Variants in GRM7 observed in about 807,000 individuals in gnomAD.
GRM7 encodes the protein glutamate metabotropic receptor 7.
In GRM7, 35 loss-of-function variants were observed where a neutral mutation model predicts 84.5. That is an observed-to-expected ratio of 0.41 (90% CI 0.32 to 0.55). The LOEUF (loss-of-function observed/expected upper bound fraction) is 0.55. GRM7 is among the 20% of genes least tolerant of loss of function. The pLI, the probability that GRM7 is intolerant of heterozygous loss-of-function variation, is 0.19. For missense variants in GRM7, 1,003 were observed against 1,194.6 expected, an observed-to-expected ratio of 0.84 and a Z score of 2.36; for synonymous variants, 487 against 455.1, an observed-to-expected ratio of 1.07 and a Z score of -0.89.
chr3:6,991,520 C>T (rs1029301120), intron 1 of GRM7, among the ~76,000 whole-genome samples: 2 of 152,082 alleles, frequency 1.3e-5, no homozygotes, highest in African/African-American at 4.8e-5. Flanking sequence ...TGAAATACAG[C>T]TAAAGTTAAG....
intron 7 of GRM7, among the ~76,000 whole-genome samples, chr3:7,491,753 T>G (rs1699525614): frequency 6.6e-6 from 1 of 152,224 alleles, no homozygotes; most frequent in African/African-American, 2.4e-5. Context: ...TTTCTTCATT[T>G]GAAAAGACAA....
At chr3:7,208,067 A>G (rs1696297178) in intron 2 of GRM7, among the ~76,000 whole-genome samples, 1 of 152,192 alleles carries the variant, frequency 6.6e-6, no homozygotes, top group South Asian at 2.1e-4. Flanking sequence ...GGTGCTTAGA[A>G]AAAGACATTA....
chr3:7,567,729 C>A (rs1694376713), intron 7 of GRM7, among the ~76,000 whole-genome samples: 1 of 108,564 alleles, frequency 9.2e-6, no homozygotes, highest in Admixed American at 1.4e-4. Flanking sequence ...GCCTGGGTGA[C>A]AGAGTGAGAC....
chr3:7,649,896 G>A (rs936443878), intron 8 of GRM7, among the ~76,000 whole-genome samples: 3 of 151,956 alleles, frequency 2.0e-5, no homozygotes, highest in Admixed American at 6.6e-5. Flanking sequence ...GCCAATATGA[G>A]TTCTGTAATA....
intron 1 of GRM7, among the ~76,000 whole-genome samples, chr3:6,978,344 A>T (rs886848615): frequency 3.3e-5 from 5 of 152,118 alleles, no homozygotes; most frequent in African/African-American, 1.2e-4. Flanking sequence ...CAACACCTTG[A>T]TTATAAACTT....
intron 1 of GRM7, among the ~76,000 whole-genome samples, chr3:6,960,808 A>G (rs1693268571): frequency 6.6e-6 from 1 of 151,936 alleles, no homozygotes; most frequent in Non-Finnish European, 1.5e-5. Flanking sequence ...CCTTCTACCT[A>G]TGGTGGGGCC....
intron 4 of GRM7, among the ~76,000 whole-genome samples, chr3:7,403,622 G>GATATATAT (rs59465377): frequency 0.048 from 6,102 of 126,732 alleles, 245 homozygotes; most frequent in Admixed American, 0.093. Context: ...GAGTAATTCT[G>GATATATAT]ATATATATAT....
chr3:7,220,997 G>A (rs1696782392), intron 2 of GRM7, among the ~76,000 whole-genome samples: 1 of 152,070 alleles, frequency 6.6e-6, no homozygotes, highest in African/African-American at 2.4e-5. Flanking sequence ...AGGAGGTTGA[G>A]GTGGGAGAAG....
chr3:7,142,791 T>C (rs919432724), intron 1 of GRM7, among the ~76,000 whole-genome samples: 1 of 152,174 alleles, frequency 6.6e-6, no homozygotes, highest in Non-Finnish European at 1.5e-5. Flanking sequence ...AAATAGCATA[T>C]GTTGTTAATT....
intron 1 of GRM7, among the ~76,000 whole-genome samples, chr3:6,978,806 G>A (rs1395568445): frequency 1.3e-5 from 2 of 152,048 alleles, no homozygotes; most frequent in Non-Finnish European, 2.9e-5. Context: ...ATTAACCCAG[G>A]GACATGTGTC....
intron 8 of GRM7, among the ~76,000 whole-genome samples, chr3:7,618,896 G>T (rs1437227923): frequency 6.6e-6 from 1 of 152,168 alleles, no homozygotes; most frequent in Non-Finnish European, 1.5e-5. Context: ...TAGACTGTTA[G>T]AAGAATGTAA....
chr3:7,597,627 A>G (rs1469367221), intron 8 of GRM7, among the ~76,000 whole-genome samples: 4 of 151,906 alleles, frequency 2.6e-5, no homozygotes, highest in Non-Finnish European at 5.9e-5. Flanking sequence ...CATCTATTAG[A>G]TAGTGCACAT....
intron 1 of GRM7, among the ~76,000 whole-genome samples, chr3:7,013,119 C>T (rs1172991208): frequency 8.1e-6 from 1 of 123,500 alleles, no homozygotes; most frequent in African/African-American, 3.2e-5. Context: ...ATCCATTCTT[C>T]ATCAACCCTA....
chr3:7,431,553 C>T (rs551589517), intron 5 of GRM7, among the ~76,000 whole-genome samples: 2 of 152,272 alleles, frequency 1.3e-5, no homozygotes, highest in Non-Finnish European at 2.9e-5. Flanking sequence ...GAGAGCCAAA[C>T]AGCTGGAGTT....
intron 7 of GRM7, among the ~76,000 whole-genome samples, chr3:7,473,375 G>C (rs946932391): frequency 3.9e-5 from 6 of 152,022 alleles, no homozygotes; most frequent in African/African-American, 1.5e-4. Flanking sequence ...TACTCAGGAG[G>C]CTGGGCAGGA....
chr3:7,702,425 T>C (rs951846999), intron 9 of GRM7, among the ~76,000 whole-genome samples: 1 of 152,358 alleles, frequency 6.6e-6, no homozygotes, highest in African/African-American at 2.4e-5. Context: ...TTGCCATGCA[T>C]GCTGATTTAA....
chr3:7,659,276 C>T (rs1461739992), intron 8 of GRM7, among the ~76,000 whole-genome samples: 10 of 152,124 alleles, frequency 6.6e-5, no homozygotes, highest in Non-Finnish European at 1.2e-4. Context: ...CACAATGCAT[C>T]ATGCAGTACA....
At chr3:7,663,037 A>G (rs1010820766) in intron 8 of GRM7, among the ~76,000 whole-genome samples, 4 of 152,238 alleles carry the variant, frequency 2.6e-5, no homozygotes, top group African/African-American at 9.6e-5. Flanking sequence ...GAGGAGTTAT[A>G]GAATAAATTA....
intron 7 of GRM7, among the ~76,000 whole-genome samples, chr3:7,545,011 C>T (rs973892001): frequency 6.6e-6 from 1 of 152,228 alleles, no homozygotes; most frequent in Non-Finnish European, 1.5e-5. Flanking sequence ...CTTGTTTGAA[C>T]AGTATCCTTA....
Sources: gnomAD v4.1 joint callset for allele counts (sites outside exome capture counted in the v4.1 genomes callset) on GRCh38, gnomAD v4.1.1 for gene constraint, MANE v1.5 for transcripts, NCBI Gene and HGNC (gene_info 2026-07-23, HGNC 2026-07-21) for gene names.